The following BRINP1 variants were observed in gnomAD, a reference collection of about 807,000 sequenced individuals.
The protein encoded by BRINP1 is BMP/retinoic acid inducible neural specific 1, also known as BMP/retinoic acid-inducible neural-specific protein 1.
Under a neutral mutation model 72.9 loss-of-function variants are expected in BRINP1, and 17 were observed. The observed-to-expected ratio is 0.23, with a 90% CI of 0.16 to 0.35. The LOEUF (loss-of-function observed/expected upper bound fraction) is 0.35, where lower values mean the gene tolerates loss of function less well. BRINP1 is among the 10% of genes least tolerant of loss of function. The pLI, the probability that BRINP1 is intolerant of heterozygous loss-of-function variation, is 1.00. For missense variants in BRINP1, 850 were observed against 1,001.6 expected, an observed-to-expected ratio of 0.85 and a Z score of 2.04; for synonymous variants, 418 against 378.5, an observed-to-expected ratio of 1.10 and a Z score of -1.21.
At chr9:119,365,491 T>C (rs59891982) in intron 1 of BRINP1, among the ~76,000 whole-genome samples, 3 of 152,292 alleles carry the variant, frequency 2.0e-5, no homozygotes, top group African/African-American at 4.8e-5. Context: ...CTAACCTTAA[T>C]GGCCCATTCA....
chr9:119,167,853 A>G lies in BRINP1; in HGVS notation c.1517T>C (p.Ile506Thr), dbSNP rs1564207175. The G allele has an allele frequency of 6.2e-7, 1 of 1,614,046 alleles. No individual in the cohort carries two copies. Among genetic ancestry groups the G allele is most frequent in the Admixed American group, 1.7e-5 (1 of 60,012 alleles). ...DSRLYVHTTFISNEIRLDTFF... is the reference protein window; with the variant it reads ...DSRLYVHTTFTSNEIRLDTFF... ...GGTGTCGAGGCGGATCTCGTTGCTG[A>G]TGAAGGTGGTGTGGACGTAGAGGCG... is the stretch of plus-strand genomic sequence containing the variant. Residue 506 changes from isoleucine to threonine, a missense_variant, in exon 8 of 8, where the codon ATC (isoleucine) becomes ACC (threonine). Physicochemically the swap from Ile to Thr is moderately conservative, Grantham distance 89. Coordinates refer to ENST00000265922, the MANE Select transcript of BRINP1 (RefSeq NM_014618.3). The surrounding 1 kb of genome is among the most constrained non-coding windows in gnomAD (Gnocchi z 4.3).
chr9:119,319,419 T>C (rs1345339635), intron 1 of BRINP1, among the ~76,000 whole-genome samples: 2 of 152,190 alleles, frequency 1.3e-5, no homozygotes, highest in Non-Finnish European at 1.5e-5. Context: ...AAATGAAAGT[T>C]TCTATAGAGT....
rs751419590 is a variant in BRINP1, at chr9:119,167,080, C to T, written c.*4G>A. The T allele has an allele frequency of 5.7e-6, 9 of 1,587,876 alleles. No homozygotes were observed. The East Asian group carries it at 9.0e-5, about 16-fold the overall frequency. ...AGGAAAAGTCCATGGCAAGGAGTCC[C>T]GGGTTAGCAGAGTTTGGCTGTCATC... On this transcript the variant is annotated 3_prime_UTR_variant, in exon 8 of 8. Coordinates refer to ENST00000265922, the MANE Select transcript of BRINP1 (RefSeq NM_014618.3). The surrounding 1 kb of genome is among the most constrained non-coding windows in gnomAD (Gnocchi z 4.3).
At chr9:119,263,814 T>C (rs1282467708) in intron 2 of BRINP1, among the ~76,000 whole-genome samples, 3 of 152,042 alleles carry the variant, frequency 2.0e-5, no homozygotes, top group Admixed American at 6.6e-5. Context: ...TTCACCGTGT[T>C]AGCCAGGATG....
chr9:119,169,134 G>A (rs866346130), intron 7 of BRINP1, among the ~76,000 whole-genome samples: 7 of 152,224 alleles, frequency 4.6e-5, no homozygotes, highest in African/African-American at 1.7e-4. Context: ...GAGCCAAGAT[G>A]GCCTAATAGG....
At chr9:119,168,707 C>CCAA (rs1197859615) in intron 7 of BRINP1, among the ~76,000 whole-genome samples, 1 of 119,156 alleles carries the variant, frequency 8.4e-6, no homozygotes, top group Non-Finnish European at 2.0e-5. Context: ...ATAACATCTA[C>CCAA]CAACTTCAAC....
At chr9:119,281,573 A>C (rs571971442) in intron 2 of BRINP1, among the ~76,000 whole-genome samples, 1 of 152,350 alleles carries the variant, frequency 6.6e-6, no homozygotes, top group East Asian at 1.9e-4. Flanking sequence ...AGAACAAGTC[A>C]GCATTGTCAG....
intron 2 of BRINP1, among the ~76,000 whole-genome samples, chr9:119,278,311 G>A (rs189177323): frequency 1.4e-4 from 21 of 147,648 alleles, no homozygotes; most frequent in Admixed American, 7.2e-4. Context: ...CACTGGCTGC[G>A]TTTGGAGCCT....
chr9:119,293,271 T>A (rs1218388451), intron 2 of BRINP1, among the ~76,000 whole-genome samples: 1 of 152,024 alleles, frequency 6.6e-6, no homozygotes, highest in African/African-American at 2.4e-5. Flanking sequence ...AATGGAAAAA[T>A]CTAGGTTTCT....
intron 1 of BRINP1, among the ~76,000 whole-genome samples, chr9:119,350,048 A>G (rs1831491557): frequency 6.6e-6 from 1 of 152,156 alleles, no homozygotes; most frequent in Non-Finnish European, 1.5e-5. Context: ...CAAAACGGAC[A>G]TGTTTGGGTG....
At chr9:119,313,886 T>C (rs1831097678) in intron 1 of BRINP1, among the ~76,000 whole-genome samples, 1 of 152,230 alleles carries the variant, frequency 6.6e-6, no homozygotes, top group African/African-American at 2.4e-5. Context: ...ACAACCTGCC[T>C]CTCATAAAGA....
chr9:119,331,633 ACT>A, intron 1 of BRINP1, among the ~76,000 whole-genome samples: 1 of 151,866 alleles, frequency 6.6e-6, no homozygotes, highest in Non-Finnish European at 1.5e-5. Flanking sequence ...ATCCTTTAAC[ACT>A]CTCTCTTCCT....
chr9:119,343,505 T>C (rs1831423605), intron 1 of BRINP1, among the ~76,000 whole-genome samples: 1 of 152,150 alleles, frequency 6.6e-6, no homozygotes, highest in South Asian at 2.1e-4. Context: ...TGTTTGCTCC[T>C]CCTGCACGGC....
chr9:119,188,653 G>A (rs1829651681), intron 7 of BRINP1, among the ~76,000 whole-genome samples: 1 of 152,052 alleles, frequency 6.6e-6, no homozygotes, highest in Non-Finnish European at 1.5e-5. Context: ...ATGGTGGTAT[G>A]TGCCTGTCAT....
At position 119,360,670 on chromosome 9, in the gene BRINP1, C is replaced by T. The variant is rs1047724071; in HGVS notation, c.-51+8386G>A. The stretch of plus-strand genomic sequence containing the variant: ...TCTGCCTTTCCTCCAACTGAATCAG[C>T]TTGTAATCTGTAACGTGGCTAAACG... On this transcript the variant is annotated intron_variant, in intron 1 of 7. Transcript: ENST00000265922. Among the ~76,000 whole-genome samples the T allele has an allele frequency of 9.2e-5, 14 of 152,210 alleles. 1 individual carries two copies. The highest frequency in any genetic ancestry group is 2.0e-4 in the Admixed American group (3 of 15,270).
Position 119,238,738 on chromosome 9 carries a change from G to C in BRINP1, c.602C>G (p.Pro201Arg), listed in dbSNP as rs752379782. The change falls in exon 5 of 8, where the codon CCT (proline) becomes CGT (arginine). Residue 201 changes from proline (P) to arginine (R), a missense_variant. Transcript: ENST00000265922. ...ATTGTCATAGCTGTTACAGCCCAGAGGCCCAGTGCGTGTCTCTGTGACCTG... is the reference window on the plus strand; with the variant it reads ...ATTGTCATAGCTGTTACAGCCCAGACGCCCAGTGCGTGTCTCTGTGACCTG... ...AIKVTETRTGPLGCNSYDNLD... is the reference protein window; with the variant it reads ...AIKVTETRTGRLGCNSYDNLD... The C allele has an allele frequency of 1.9e-6, 3 of 1,610,234 alleles. No individual in the cohort carries two copies. The highest frequency in any genetic ancestry group is 2.5e-6 in the Non-Finnish European group (3 of 1,178,570).
rs557117467 is a variant in BRINP1 at position 119,285,583 on chromosome 9, A to T, written c.218+27555T>A. On this transcript the variant is annotated intron_variant, in intron 2 of 7. Coordinates refer to ENST00000265922, the MANE Select transcript of BRINP1 (RefSeq NM_014618.3). The stretch of plus-strand genomic sequence containing the variant: ...TCCAGAGCCCCTCAACATAACCCTT[A>T]ATCTAATTATTTATCTAATTGTCAA... 3.9e-5 allele frequency among the ~76,000 whole-genome samples: 6 copies of T among 152,276 alleles called. No homozygotes were observed. The East Asian group carries it at 1.2e-3, about 29-fold the overall frequency.
At chr9:119,252,008 C>A (rs1453335608) in intron 2 of BRINP1, among the ~76,000 whole-genome samples, 2 of 152,092 alleles carry the variant, frequency 1.3e-5, no homozygotes, top group African/African-American at 4.8e-5. Flanking sequence ...GTCTCTTTTT[C>A]TGCTTCACCC....
chr9:119,314,619 A>C (rs940356299), intron 1 of BRINP1, among the ~76,000 whole-genome samples: 2 of 152,090 alleles, frequency 1.3e-5, no homozygotes, highest in Non-Finnish European at 2.9e-5. Flanking sequence ...CCTCCTTGTC[A>C]GTCTACTTAC....
Sources: allele counts gnomAD v4.1 joint callset (sites outside exome capture counted in the v4.1 genomes callset), GRCh38; gene constraint gnomAD v4.1.1; non-coding constraint Gnocchi (gnomAD v3.1); transcripts MANE v1.5; gene names NCBI Gene and HGNC (gene_info 2026-07-23, HGNC 2026-07-21).